The following KANK3 variants were observed in gnomAD, a reference collection of about 807,000 sequenced individuals.
KANK3 encodes KN motif and ankyrin repeat domains 3, also known as KN motif and ankyrin repeat domain-containing protein 3.
A neutral mutation model predicts 65.4 loss-of-function variants in KANK3; 61 were observed. The observed-to-expected ratio is 0.93, with a 90% confidence interval of 0.76 to 1.15. The LOEUF (loss-of-function observed/expected upper bound fraction) is 1.15. Ranked by LOEUF, KANK3 falls within the 50% of genes most tolerant of loss-of-function variation. The pLI is 0.00. For missense variants in KANK3, 1,187 were observed against 1,178.8 expected, an observed-to-expected ratio of 1.01 and a Z score of -0.10; for synonymous variants, 586 against 543.3, an observed-to-expected ratio of 1.08 and a Z score of -1.09.
Position 8,333,071 on chromosome 19 carries a change from G to A in KANK3, c.1879C>T (p.Leu627=). 2 of 1,607,428 alleles carry A rather than the reference G, an allele frequency of 1.2e-6. No individual in the cohort carries two copies. The highest frequency in any genetic ancestry group is 1.1e-5 in the South Asian group (1 of 90,902). Residue 627 remains leucine, a synonymous_variant, in exon 7 of 11, where the codon CTG becomes TTG. Coordinates refer to ENST00000330915, the MANE Select transcript of KANK3 (RefSeq NM_198471.3). The surrounding 1 kb of genome is among the most constrained non-coding windows in gnomAD (Gnocchi z 5.0). ...TTCCCGTGGGACACACTGTAGTGCAGGGCCGTGTTCCCGTTGCCATCCGCC... is the reference window on the plus strand; with the variant it reads ...TTCCCGTGGGACACACTGTAGTGCAAGGCCGTGTTCCCGTTGCCATCCGCC... The part of the protein sequence containing the change: ...NLADGNGNTA[L]HYSVSHGNLA...
chr19:8,341,681 G>T (rs1259675505), intron 1 of KANK3, among the ~76,000 whole-genome samples: 1 of 152,154 alleles, frequency 6.6e-6, no homozygotes, highest in East Asian at 1.9e-4. Context: ...GTAGATACAG[G>T]TGTCTTGCTA....
At chr19:8,328,428 C>T (rs562904528) in intron 7 of KANK3, among the ~76,000 whole-genome samples, 1 of 114,202 alleles carries the variant, frequency 8.8e-6, no homozygotes, top group East Asian at 2.5e-4. Flanking sequence ...CACACACACA[C>T]ACACACTCAA....
chr19:8,340,921 A>G lies in KANK3; in HGVS notation c.-29+2304T>C, dbSNP rs1970716058. 1.3e-5 allele frequency among the ~76,000 whole-genome samples: 2 copies of G among 152,166 alleles called. 1 individual carries two copies. The highest frequency in any genetic ancestry group is 4.1e-4 in the South Asian group (2 of 4,830). Reference sequence around the variant, plus strand: ...GTTTTCAGGAAATTGCCAGGGAAGAACTGGGTTGTGGAAAAAGTCCAGATC... The same window carrying G: ...GTTTTCAGGAAATTGCCAGGGAAGAGCTGGGTTGTGGAAAAAGTCCAGATC... On this transcript the variant is annotated intron_variant, in intron 1 of 10. Coordinates refer to ENST00000330915, the MANE Select transcript of KANK3 (RefSeq NM_198471.3).
In KANK3 at chr19:8,335,707, G is replaced by T; in HGVS notation, c.120C>A (p.Tyr40Ter). ...GGAAGTCCAGGTCCAGGTGGAAGCC[G>T]TAGGGCGTCTCCACCGAGTAGGGCG... is the stretch of plus-strand genomic sequence containing the variant. ...PSSPYSVETP[Y>*]GFHLDLDFLK... Residue 40 changes from tyrosine (Y) to a stop codon, truncating the protein, a stop_gained, in exon 3 of 11, where the codon TAC (tyrosine) becomes TAA (stop). Transcript: ENST00000330915. LOFTEE classifies it high-confidence loss of function. 8.0e-7 allele frequency: 1 copy of T among 1,252,028 alleles called. No individual in the cohort carries two copies. The highest frequency in any genetic ancestry group is 1.0e-6 in the Non-Finnish European group (1 of 994,212). 77.6% of individuals were successfully genotyped at this position (1,252,028 alleles called of 1,614,324 possible).
intron 7 of KANK3, among the ~76,000 whole-genome samples, chr19:8,332,122 T>C (rs1002153080): frequency 1.3e-5 from 2 of 150,190 alleles, no homozygotes. Context: ...GCCTCCCGAA[T>C]AGCTGGGATT....
rs4147654 is a variant in KANK3 at position 8,322,615 on chromosome 19, CAG to C, written c.*222_*223del. On this transcript the variant is annotated 3_prime_UTR_variant, in exon 11 of 11. Transcript: ENST00000330915. ...GAATGTTTTATTAGCAAAGAAGTTT[CAG>C]AGAGTGGGTGGATCAGGGCTCTATC... 75,326 of 582,694 alleles carry C rather than the reference CAG, an allele frequency of 0.13. 5,718 individuals carry two copies. The highest frequency in any genetic ancestry group is 0.26 in the African/African-American group (13,865 of 53,402). The allele number at this position is 582,694 out of a possible 1,614,324, so 36.1% of individuals were successfully genotyped here.
chr19:8,335,873 C>A, intron 2 of KANK3, 81 bp from the exon 3 acceptor site: 1 of 935,388 alleles, frequency 1.1e-6, no homozygotes. Context: ...AGCGTGTCCC[C>A]CACCCATGCC....
chr19:8,334,945 G>A lies in KANK3; in HGVS notation c.882C>T (p.Leu294=), dbSNP rs1182147406. The part of the protein sequence containing the change: ...LQVLDGEVGS[L]DGTPQTREVA... ...CCTCCCGGGTCTGGGGCGTCCCATC[G>A]AGACTCCCGACCTCCCCGTCGAGGA... The change falls in exon 3 of 11, where the codon CTC becomes CTT. Residue 294 remains leucine, a synonymous_variant. Coordinates refer to ENST00000330915, the MANE Select transcript of KANK3 (RefSeq NM_198471.3). 1.3e-6 allele frequency: 2 copies of A among 1,489,516 alleles called. No individual in the cohort carries two copies. The highest frequency in any genetic ancestry group is 1.8e-6 in the Non-Finnish European group (2 of 1,129,596). The allele number at this position is 1,489,516 out of a possible 1,614,324, so 92.3% of individuals were successfully genotyped here. A position where few individuals can be genotyped will look rare whatever the true frequency, so the allele number is the denominator to read the frequency against.
intron 1 of KANK3, 28 bp downstream of exon 1, chr19:8,343,177 ACCCACCCAGGGGTCCCCCAT>A (rs1970742352): frequency 6.6e-6 from 1 of 151,860 alleles, no homozygotes; most frequent in Non-Finnish European, 1.5e-5. Context: ...CCCCGAATCC[ACCCACCCAGGGGTCCCCCAT>A]CCGTGTCCCC....
intron 7 of KANK3, among the ~76,000 whole-genome samples, chr19:8,327,318 A>G (rs1294124105): frequency 6.6e-6 from 1 of 151,960 alleles, no homozygotes; most frequent in Non-Finnish European, 1.5e-5. Flanking sequence ...CCTGAGCAAC[A>G]TAGGAAGACC....
Position 8,334,536 on chromosome 19 carries a change from C to T in KANK3, c.1291G>A (p.Gly431Arg), listed in dbSNP as rs868491681. 3 of 1,602,608 alleles carry T rather than the reference C, an allele frequency of 1.9e-6. No homozygotes were observed. Among genetic ancestry groups the T allele is most frequent in the Admixed American group, 1.7e-5 (1 of 59,848 alleles). Residue 431 changes from glycine (G) to arginine (R), a missense_variant, in exon 3 of 11, where the codon GGA becomes AGA. Gly to Arg is a moderately radical substitution (Grantham distance 125). This residue lies in a region of KANK3 where 1,078 missense variants were observed against 1,038.2 expected (regional missense o/e 1.04). Transcript: ENST00000330915. Reference protein sequence around the residue: ...APSLTQESSPGSMDGDRAVAP... With the variant: ...APSLTQESSPRSMDGDRAVAP... ...ACGGCCCTGTCTCCGTCCATGGATC[C>T]GGGCGAGCTCTCCTGAGTCAAGGAG... is the stretch of plus-strand genomic sequence containing the variant.
In KANK3 at chr19:8,335,246, A is replaced by G. The variant is rs1403203289; in HGVS notation, c.581T>C (p.Leu194Pro). Residue 194 changes from leucine (L) to proline (P), a missense_variant, in exon 3 of 11, where the codon CTG becomes CCG. This residue lies in a region of KANK3 where 1,078 missense variants were observed against 1,038.2 expected (regional missense o/e 1.04). Coordinates refer to ENST00000330915, the MANE Select transcript of KANK3 (RefSeq NM_198471.3). ...GTCCTCGAGCTCGCGCAGGCGCCGC[A>G]GCGCCGCGGCCATCTGCTCGCGCAC... ...QLVREQMAAA[L>P]RRLRELEDQA... The G allele has an allele frequency of 1.6e-6, 2 of 1,225,748 alleles. No individual in the cohort carries two copies. The highest frequency in any genetic ancestry group is 2.0e-6 in the Non-Finnish European group (2 of 982,128). 75.9% of individuals were successfully genotyped at this position (1,225,748 alleles called of 1,614,324 possible).
rs1970611708 is a variant in KANK3 at position 8,335,174 on chromosome 19, C to A, written c.653G>T (p.Arg218Leu). ...PELQEQVRAL[R>L]AEKARLLAGR... The stretch of plus-strand genomic sequence containing the variant: ...GGCCAGCAGCCGCGCCTTCTCGGCG[C>A]GCAGCGCGCGCACCTGCTCCTGCAG... The change falls in exon 3 of 11, where the codon CGC becomes CTC. Residue 218 changes from arginine (R) to leucine (L), a missense_variant. By Grantham distance (102) the Arg-to-Leu change is moderately radical (BLOSUM62 -2). Around this residue, in one of 3 missense-constraint regions of KANK3, gnomAD observed 1,078 missense variants for 1,038.2 expected, o/e 1.04. Transcript: ENST00000330915. 1.6e-6 allele frequency: 2 copies of A among 1,213,290 alleles called. No homozygotes were observed. The highest frequency in any genetic ancestry group is 1.0e-6 in the Non-Finnish European group (1 of 977,178). 75.2% of individuals were successfully genotyped at this position (1,213,290 alleles called of 1,614,324 possible). A position where few individuals can be genotyped will look rare whatever the true frequency, so the allele number is the denominator to read the frequency against.
chr19:8,337,096 G>T (rs1342800915), intron 2 of KANK3, among the ~76,000 whole-genome samples: 2 of 151,846 alleles, frequency 1.3e-5, no homozygotes, highest in African/African-American at 4.8e-5. Context: ...GCTGTAGTGC[G>T]ATCTTGGCTC....
intron 10 of KANK3, 33 bp downstream of exon 10, chr19:8,324,416 G>A: frequency 6.5e-7 from 1 of 1,545,636 alleles, no homozygotes; most frequent in East Asian, 2.4e-5. Flanking sequence ...ATTTGCAGCT[G>A]GGAAAGTTTG....
intron 7 of KANK3, among the ~76,000 whole-genome samples, chr19:8,331,052 G>A (rs1354391276): frequency 4.0e-5 from 6 of 151,818 alleles, no homozygotes; most frequent in Non-Finnish European, 7.4e-5. Flanking sequence ...AATTAGCCGG[G>A]CGTGGTGGCG....
chr19:8,334,401 A>T lies in KANK3; in HGVS notation c.1346T>A (p.Met449Lys). Residue 449 changes from methionine (M) to lysine (K), a missense_variant, in exon 4 of 11, where the codon ATG (methionine) becomes AAG (lysine). This residue lies in a region of KANK3 where 1,078 missense variants were observed against 1,038.2 expected (regional missense o/e 1.04). Transcript: ENST00000330915. ...VAPAGILKSI[M>K]KKRDGTPGAQ... is the part of the protein sequence containing the mutation. ...ACCAGGTGTGCCGTCTCTCTTCTTCATGATGGATTTGAGGATGCCTGGCGG... is the reference window on the plus strand; with the variant it reads ...ACCAGGTGTGCCGTCTCTCTTCTTCTTGATGGATTTGAGGATGCCTGGCGG... 6.2e-7 allele frequency: 1 copy of T among 1,613,980 alleles called. No homozygotes were observed. The highest frequency in any genetic ancestry group is 8.5e-7 in the Non-Finnish European group (1 of 1,179,992).
chr19:8,335,269 C>G lies in KANK3; in HGVS notation c.558G>C (p.Val186=). Reference sequence around the variant, plus strand: ...GCAGCGCCGCGGCCATCTGCTCGCGCACCAGCTGCAGTTGGGCAGGGCCGG... The same window carrying G: ...GCAGCGCCGCGGCCATCTGCTCGCGGACCAGCTGCAGTTGGGCAGGGCCGG... ...ASPGPAQLQL[V]REQMAAALRR... Residue 186 remains valine, a synonymous_variant, in exon 3 of 11, where the codon GTG becomes GTC. Coordinates refer to ENST00000330915, the MANE Select transcript of KANK3 (RefSeq NM_198471.3). 1 of 1,221,488 alleles carries G rather than the reference C, an allele frequency of 8.2e-7. No homozygotes were observed. The highest frequency in any genetic ancestry group is 1.0e-6 in the Non-Finnish European group (1 of 980,308). The allele number at this position is 1,221,488 out of a possible 1,614,324, so 75.7% of individuals were successfully genotyped here.
chr19:8,322,998 A>C (rs1568568185), intron 10 of KANK3, 76 bp from the exon 11 acceptor site: 3 of 828,938 alleles, frequency 3.6e-6, no homozygotes, highest in Non-Finnish European at 5.5e-6. Flanking sequence ...CCCCAGCCTC[A>C]CTTAGTGGAG....
Sources: gnomAD v4.1 joint callset for allele counts (sites outside exome capture counted in the v4.1 genomes callset) on GRCh38, gnomAD v4.1.1 for gene constraint, gnomAD v4.1.1 regional missense constraint, Gnocchi (gnomAD v3.1) non-coding constraint, MANE v1.5 for transcripts, NCBI Gene and HGNC (gene_info 2026-07-23, HGNC 2026-07-21) for gene names.